The following COMMD10 variants were observed in gnomAD, a reference collection of about 807,000 sequenced individuals.
COMMD10 encodes COMM domain-containing protein 10.
In COMMD10, 33 loss-of-function variants were observed where a neutral mutation model predicts 28.9. That is an observed-to-expected ratio of 1.14 (90% CI 0.87 to 1.53). The LOEUF is 1.53. Ranked by LOEUF, COMMD10 falls within the 40% of genes most tolerant of loss-of-function variation. The pLI, the probability that COMMD10 is intolerant of heterozygous loss-of-function variation, is 0.00. For synonymous variants in COMMD10, 110 were observed against 81.7 expected (o/e 1.35, Z -1.87); for missense variants, 310 against 233.4 (o/e 1.33, Z -2.14).
intron 5 of COMMD10, among the ~76,000 whole-genome samples, chr5:116,228,197 TAAC>T (rs1749443763): frequency 6.6e-6 from 1 of 151,966 alleles, no homozygotes; most frequent in South Asian, 2.1e-4. Context: ...GCCAAATAAA[TAAC>T]AGTTATTGTA....
chr5:116,253,348 T>A (rs1168472259), intron 5 of COMMD10, among the ~76,000 whole-genome samples: 2 of 147,476 alleles, frequency 1.4e-5, no homozygotes, highest in Non-Finnish European at 3.0e-5. Context: ...ATAGGAGTGG[T>A]GAGAGAGGGC....
intron 4 of COMMD10, among the ~76,000 whole-genome samples, chr5:116,116,202 A>T (rs1751228475): frequency 6.6e-6 from 1 of 152,148 alleles, no homozygotes; most frequent in African/African-American, 2.4e-5. Flanking sequence ...CCATTGTAAG[A>T]TTTACTTTAT....
At chr5:116,118,911 A>T (rs1396478) in intron 4 of COMMD10, among the ~76,000 whole-genome samples, 76,616 of 152,086 alleles carry the variant, frequency 0.5, 21,903 homozygotes, top group Non-Finnish European at 0.65. Context: ...TTGAATGAAG[A>T]TTTCGTTAAT....
intron 4 of COMMD10, among the ~76,000 whole-genome samples, chr5:116,113,770 T>C (rs1751137167): frequency 6.6e-6 from 1 of 152,168 alleles, no homozygotes. Context: ...TATTGAATTC[T>C]TTGGGGTTGT....
intron 5 of COMMD10, among the ~76,000 whole-genome samples, chr5:116,147,268 G>A (rs756712897): frequency 7.9e-5 from 12 of 151,852 alleles, no homozygotes; most frequent in African/African-American, 1.9e-4. Context: ...GGAATATACC[G>A]TAACTAGGGT....
At chr5:116,095,853 C>T (rs1750451283) in intron 4 of COMMD10, among the ~76,000 whole-genome samples, 1 of 151,968 alleles carries the variant, frequency 6.6e-6, no homozygotes, top group African/African-American at 2.4e-5. Context: ...TCATTTGCTC[C>T]AATGTGATTT....
chr5:116,280,088 C>T (rs1274224063), intron 5 of COMMD10, among the ~76,000 whole-genome samples: 1 of 151,802 alleles, frequency 6.6e-6, no homozygotes, highest in Non-Finnish European at 1.5e-5. Context: ...TGAGTTATTT[C>T]ACCGTTATGG....
At chr5:116,140,051 T>C (rs1752147874) in intron 5 of COMMD10, among the ~76,000 whole-genome samples, 2 of 151,684 alleles carry the variant, frequency 1.3e-5, no homozygotes, top group African/African-American at 2.4e-5. Flanking sequence ...TTTTTCCCTT[T>C]CCTTGTCTCT....
At chr5:116,288,534 A>AT (rs1364025236) in intron 5 of COMMD10, among the ~76,000 whole-genome samples, 1 of 151,428 alleles carries the variant, frequency 6.6e-6, no homozygotes, top group Non-Finnish European at 1.5e-5. Flanking sequence ...AAGCTCTCTT[A>AT]TTTTTTTCTC....
chr5:116,272,413 TC>T (rs1750784715), intron 5 of COMMD10, among the ~76,000 whole-genome samples: 1 of 151,846 alleles, frequency 6.6e-6, no homozygotes, highest in Admixed American at 6.6e-5. Context: ...AGTGAAGCTT[TC>T]TTAGGTGTTT....
At chr5:116,145,447 T>G (rs1752317996) in intron 5 of COMMD10, among the ~76,000 whole-genome samples, 1 of 78,166 alleles carries the variant, frequency 1.3e-5, no homozygotes, top group Non-Finnish European at 2.2e-5. Context: ...GGTTTGTCTG[T>G]GTCTATGAAA....
At chr5:116,176,443 T>A (rs1168580686) in intron 5 of COMMD10, among the ~76,000 whole-genome samples, 1 of 152,192 alleles carries the variant, frequency 6.6e-6, no homozygotes, top group African/African-American at 2.4e-5. Context: ...GCTTTAGGCT[T>A]TTACAAATAG....
At chr5:116,292,266 T>C (rs1751384120) in intron 6 of COMMD10, among the ~76,000 whole-genome samples, 185 bp from the exon 7 acceptor site, 1 of 152,124 alleles carries the variant, frequency 6.6e-6, no homozygotes, top group Non-Finnish European at 1.5e-5. Flanking sequence ...CAAGCACAAA[T>C]TCTAATATCT....
intron 4 of COMMD10, among the ~76,000 whole-genome samples, chr5:116,107,474 A>G (rs185187608): frequency 2.0e-5 from 3 of 152,118 alleles, no homozygotes; most frequent in African/African-American, 4.8e-5. Flanking sequence ...CGATTCGGCT[A>G]TTGATACTTG....
chr5:116,218,318 G>A, intron 5 of COMMD10: 2 of 694,314 alleles, frequency 2.9e-6, no homozygotes, highest in Non-Finnish European at 5.4e-6. Flanking sequence ...GATGGTGGTG[G>A]GACATAGGCA....
intron 5 of COMMD10, among the ~76,000 whole-genome samples, chr5:116,249,294 G>A (rs905617623): frequency 1.3e-5 from 2 of 151,892 alleles, no homozygotes; most frequent in Non-Finnish European, 2.9e-5. Context: ...GATTATTGTA[G>A]ATAAGTATTC....
intron 4 of COMMD10, among the ~76,000 whole-genome samples, chr5:116,104,175 G>T (rs1000343951): frequency 6.6e-6 from 1 of 152,112 alleles, no homozygotes; most frequent in Admixed American, 6.5e-5. Flanking sequence ...TTTTTCCAAT[G>T]CTGTGAGGAA....
chr5:116,272,168 A>C (rs2112698321), intron 5 of COMMD10, among the ~76,000 whole-genome samples: 1 of 151,942 alleles, frequency 6.6e-6, no homozygotes, highest in Admixed American at 6.6e-5. Flanking sequence ...TCCATCCCTC[A>C]TTTCTTTTGG....
intron 5 of COMMD10, among the ~76,000 whole-genome samples, chr5:116,287,691 T>G (rs868591107): frequency 3.3e-5 from 5 of 151,732 alleles, no homozygotes; most frequent in South Asian, 2.1e-4. Flanking sequence ...TTTCTAGTGG[T>G]ATGCTTTCAT....
Sources: allele counts gnomAD v4.1 joint callset (sites outside exome capture counted in the v4.1 genomes callset), GRCh38; gene constraint gnomAD v4.1.1; transcripts MANE v1.5; gene names NCBI Gene and HGNC (gene_info 2026-07-23, HGNC 2026-07-21).